The following PCDHA4 variants were observed in gnomAD, a reference collection of about 807,000 sequenced individuals.
PCDHA4 encodes the protein protocadherin alpha 4.
PCDHA4 carries 49 observed loss-of-function variants against 61.4 expected under a neutral mutation model. The observed-to-expected ratio is 0.80, with a 90% confidence interval of 0.63 to 1.01. The LOEUF is 1.01. PCDHA4 is among the 50% of genes least tolerant of loss of function. PCDHA4 has a pLI of 0.00. For missense variants in PCDHA4, 1,254 were observed against 1,235.8 expected (o/e 1.01, Z -0.22); for synonymous variants, 590 against 550.3 (o/e 1.07, Z -1.01).
chr5:140,835,484 C>T (rs2150236532), intron 1 of PCDHA4: 3 of 1,613,926 alleles, frequency 1.9e-6, no homozygotes, highest in Non-Finnish European at 8.5e-7. Flanking sequence ...AACCAGGTAC[C>T]GTCATCACAT....
chr5:140,972,919 C>T (rs1231455019), intron 1 of PCDHA4, among the ~76,000 whole-genome samples: 1 of 152,078 alleles, frequency 6.6e-6, no homozygotes, highest in African/African-American at 2.4e-5. Flanking sequence ...GCCTTGGCCT[C>T]CCAAAGTGCT....
intron 1 of PCDHA4, chr5:140,967,400 C>T: frequency 6.2e-7 from 1 of 1,611,718 alleles, no homozygotes; most frequent in South Asian, 1.1e-5. Context: ...GCTGGTGCTG[C>T]GTAAGGGCCT....
In PCDHA4 at chr5:141,010,127, T is replaced by A. The variant is rs1419190844; in HGVS notation, c.*190T>A. On this transcript the variant is annotated 3_prime_UTR_variant, in exon 4 of 4. Transcript: ENST00000530339. ...TTTGTCGTAAAAGCTTTACTAAGTC[T>A]GGTGTTAACTCTTTCTCTCCACTCT... The A allele has an allele frequency of 1.9e-6, 3 of 1,602,472 alleles. No individual in the cohort carries two copies. Among genetic ancestry groups the A allele is most frequent in the Non-Finnish European group, 2.6e-6 (3 of 1,173,756 alleles).
intron 1 of PCDHA4, among the ~76,000 whole-genome samples, chr5:140,890,111 A>G (rs1365246358): frequency 6.6e-6 from 1 of 152,194 alleles, no homozygotes; most frequent in Admixed American, 6.5e-5. Context: ...TCTGGATTCA[A>G]TGATGTCACT....
chr5:140,881,587 GAAAT>G (rs2058760366), intron 1 of PCDHA4, among the ~76,000 whole-genome samples: 1 of 152,186 alleles, frequency 6.6e-6, no homozygotes, highest in Non-Finnish European at 1.5e-5. Context: ...CACATTGAGG[GAAAT>G]TTATTAATAT....
At chr5:140,884,977 A>C (rs782168505) in intron 1 of PCDHA4, among the ~76,000 whole-genome samples, 19 of 152,222 alleles carry the variant, frequency 1.2e-4, no homozygotes, top group Admixed American at 5.2e-4. Context: ...GAGAACTTAA[A>C]CATTTAGAAA....
chr5:140,852,028 T>A, intron 1 of PCDHA4: 1 of 943,108 alleles, frequency 1.1e-6, no homozygotes, highest in Non-Finnish European at 1.3e-6. Context: ...AAACTTCGCT[T>A]ATTGAGTTTT....
At chr5:141,003,424 G>A (rs1431935325) in intron 3 of PCDHA4, among the ~76,000 whole-genome samples, 1 of 152,122 alleles carries the variant, frequency 6.6e-6, no homozygotes, top group Non-Finnish European at 1.5e-5. Context: ...TGATTCTTAT[G>A]CCTCAGCCTC....
intron 1 of PCDHA4, chr5:140,867,918 T>C (rs1236326427): frequency 6.6e-6 from 1 of 152,144 alleles, no homozygotes; most frequent in Non-Finnish European, 1.5e-5. Context: ...TAATTAAAAA[T>C]CACTTCCCTT....
intron 1 of PCDHA4, chr5:140,810,414 A>G (rs782181134): frequency 3.9e-5 from 6 of 152,014 alleles, no homozygotes; most frequent in Admixed American, 3.9e-4. Flanking sequence ...ACACCAACCA[A>G]TTTTCCAAGA....
intron 1 of PCDHA4, chr5:140,851,477 T>A: frequency 1.1e-6 from 1 of 890,896 alleles, no homozygotes; most frequent in Non-Finnish European, 1.4e-6. Flanking sequence ...ATAAATGTTA[T>A]AAACACAGCC....
Position 140,849,788 on chromosome 5 carries a change from C to T in PCDHA4, c.2385+40216C>T, listed in dbSNP as rs2150450289. The T allele has an allele frequency of 2.5e-6, 4 of 1,598,468 alleles. No homozygotes were observed. The South Asian group carries it at 4.4e-5, about 18-fold the overall frequency. ...TGGTGGTTACCGCGCGGGACGGGGGCTCGCCTTCACTGTGGGCCACGGCCA... is the reference window on the plus strand; with the variant it reads ...TGGTGGTTACCGCGCGGGACGGGGGTTCGCCTTCACTGTGGGCCACGGCCA... On this transcript the variant is annotated intron_variant, in intron 1 of 3. Coordinates refer to ENST00000530339, the MANE Select transcript of PCDHA4 (RefSeq NM_018907.4).
intron 1 of PCDHA4, chr5:140,857,163 G>A: frequency 1.3e-6 from 2 of 1,598,406 alleles, no homozygotes; most frequent in Non-Finnish European, 1.7e-6. Flanking sequence ...GCCCTAATCA[G>A]CGTTTCTGAC....
chr5:140,848,496 A>C, intron 1 of PCDHA4: 1 of 1,577,756 alleles, frequency 6.3e-7, no homozygotes, highest in South Asian at 1.1e-5. Context: ...AGTATTTGAA[A>C]TGTTATACTC....
intron 1 of PCDHA4, among the ~76,000 whole-genome samples, chr5:140,908,772 A>G (rs2074146123): frequency 6.6e-6 from 1 of 152,144 alleles, no homozygotes; most frequent in East Asian, 1.9e-4. Flanking sequence ...CGTGTTGTAG[A>G]GTCTTCTCCT....
intron 1 of PCDHA4, chr5:140,866,915 A>C (rs1413291718): frequency 6.6e-6 from 1 of 152,138 alleles, no homozygotes. Context: ...CTCAAAGATG[A>C]GTTCAAAGGG....
chr5:140,983,924 A>G (rs1554245819), intron 3 of PCDHA4, among the ~76,000 whole-genome samples: 1 of 152,216 alleles, frequency 6.6e-6, no homozygotes, highest in African/African-American at 2.4e-5. Flanking sequence ...AGGATTTGCT[A>G]TTTATGGATG....
At chr5:140,925,084 A>AGGAAGGAAGGAAGGAAGGAAGGAG (rs1554202501) in intron 1 of PCDHA4, among the ~76,000 whole-genome samples, 2 of 144,612 alleles carry the variant, frequency 1.4e-5, no homozygotes, top group African/African-American at 5.6e-5. Context: ...TCATCTGGAA[A>AGGAAGGAAGGAAGGAAGGAAGGAG]GGAAGGAAGG....
intron 1 of PCDHA4, among the ~76,000 whole-genome samples, chr5:140,941,192 TTTCTTTCTTCCTTTCTTTCTTCC>T (rs2153649449): frequency 1.0e-5 from 1 of 99,660 alleles, no homozygotes; most frequent in African/African-American, 4.0e-5. Flanking sequence ...CTTCTTTTTT[TTTCTTTCTTCCTTTCTTTCTTCC>T]TTTCTTTCTT....
Sources: gnomAD v4.1 joint callset for allele counts (sites outside exome capture counted in the v4.1 genomes callset) on GRCh38, gnomAD v4.1.1 for gene constraint, MANE v1.5 for transcripts, NCBI Gene and HGNC (gene_info 2026-07-23, HGNC 2026-07-21) for gene names.